SPMIP2: variants seen among roughly 807,000 people sequenced by gnomAD.
SPMIP2 encodes sperm microtubule inner protein 2.
the SPMIP2 span, among the ~76,000 whole-genome samples, chr4:159,027,084 A>G: frequency 6.6e-6 from 1 of 151,852 alleles, no homozygotes; most frequent in African/African-American, 2.4e-5. Context: ...AGTTGCTGTC[A>G]CCTATAGATA....
chr4:158,898,700 G>T, the SPMIP2 span, among the ~76,000 whole-genome samples: 1 of 152,206 alleles, frequency 6.6e-6, no homozygotes, highest in African/African-American at 2.4e-5. Flanking sequence ...CTGAGACTTT[G>T]CTGAAGTTGC....
the SPMIP2 span, among the ~76,000 whole-genome samples, chr4:159,045,165 C>T: frequency 2.0e-4 from 30 of 150,886 alleles, no homozygotes; most frequent in Non-Finnish European, 8.8e-5. Flanking sequence ...GATGTAGATA[C>T]ATCTCATACA....
At chr4:159,017,733 T>C in the SPMIP2 span, among the ~76,000 whole-genome samples, 39 of 152,146 alleles carry the variant, frequency 2.6e-4, no homozygotes, top group African/African-American at 9.4e-4. Flanking sequence ...GCCTGTGATA[T>C]ACCTAAGTGG....
chr4:158,921,808 TAC>T, the SPMIP2 span, among the ~76,000 whole-genome samples: 1 of 152,076 alleles, frequency 6.6e-6, no homozygotes, highest in Non-Finnish European at 1.5e-5. Flanking sequence ...GTTCCTGAGC[TAC>T]AGTTTTCTCC....
chr4:159,070,512 G>C, the SPMIP2 span, among the ~76,000 whole-genome samples: 1 of 152,182 alleles, frequency 6.6e-6, no homozygotes, highest in Non-Finnish European at 1.5e-5. Flanking sequence ...TGGTGATTAA[G>C]TTTTAATGCC....
the SPMIP2 span, among the ~76,000 whole-genome samples, chr4:158,981,958 C>T: frequency 4.6e-5 from 7 of 152,078 alleles, no homozygotes; most frequent in African/African-American, 7.2e-5. Flanking sequence ...CAAGACTCAT[C>T]AGTGTGCTGT....
chr4:158,974,801 T>C, the SPMIP2 span, among the ~76,000 whole-genome samples: 1 of 152,196 alleles, frequency 6.6e-6, no homozygotes, highest in Non-Finnish European at 1.5e-5. Context: ...TAGAATGATT[T>C]ATAATTCTTT....
chr4:158,917,868 C>G, the SPMIP2 span, among the ~76,000 whole-genome samples: 1 of 151,410 alleles, frequency 6.6e-6, no homozygotes, highest in African/African-American at 2.4e-5. Flanking sequence ...ATTACAGGTG[C>G]CTGCCAAGCC....
the SPMIP2 span, chr4:158,907,557 CATAAAA>C: frequency 2.6e-5 from 4 of 152,080 alleles, no homozygotes; most frequent in Non-Finnish European, 5.9e-5. Flanking sequence ...GTTGGTTGTA[CATAAAA>C]ATAATAAAGA....
At chr4:158,962,374 C>G in the SPMIP2 span, among the ~76,000 whole-genome samples, 2 of 152,098 alleles carry the variant, frequency 1.3e-5, no homozygotes, top group Non-Finnish European at 2.9e-5. Flanking sequence ...TTTCTTACTT[C>G]TAGAAAGAAC....
the SPMIP2 span, among the ~76,000 whole-genome samples, chr4:159,048,384 TACA>T: frequency 6.6e-6 from 1 of 152,236 alleles, no homozygotes; most frequent in Non-Finnish European, 1.5e-5. Context: ...TTTTCCCACG[TACA>T]ACATTCAAAA....
the SPMIP2 span, among the ~76,000 whole-genome samples, chr4:159,000,655 G>A: frequency 5.3e-5 from 8 of 151,778 alleles, no homozygotes; most frequent in South Asian, 4.2e-4. Context: ...CACCACGCCC[G>A]GCTAGTTTTT....
the SPMIP2 span, chr4:159,026,615 TC>T: frequency 0.44 from 157,984 of 355,512 alleles, 35,967 homozygotes; most frequent in South Asian, 0.49. Flanking sequence ...TTCTTTTTTT[TC>T]ATTACTGTGT....
the SPMIP2 span, among the ~76,000 whole-genome samples, chr4:158,949,930 ATGAAAAACTGGG>A: frequency 1.8e-4 from 27 of 152,314 alleles, no homozygotes; most frequent in African/African-American, 6.0e-4. Context: ...TTTCAAGCAA[ATGAAAAACTGGG>A]GAAGGTTGTA....
At chr4:158,952,268 C>A in the SPMIP2 span, among the ~76,000 whole-genome samples, 1 of 152,092 alleles carries the variant, frequency 6.6e-6, no homozygotes. Context: ...TGTCCCCACC[C>A]AAATCTCATT....
chr4:159,073,238 C>G, the SPMIP2 span, among the ~76,000 whole-genome samples: 3 of 152,180 alleles, frequency 2.0e-5, no homozygotes, highest in Admixed American at 1.3e-4. Context: ...ACTGCAGCCT[C>G]GACCTCCCAG....
chr4:159,035,232 CTCTT>C, the SPMIP2 span: 3 of 651,850 alleles, frequency 4.6e-6, no homozygotes, highest in East Asian at 2.7e-5. Flanking sequence ...TTGCTAATGA[CTCTT>C]TATGACAGGG....
chr4:159,039,664 A>C, the SPMIP2 span, among the ~76,000 whole-genome samples: 375 of 152,354 alleles, frequency 2.5e-3, 1 homozygote, highest in African/African-American at 8.4e-3. Context: ...CTGGGACTAA[A>C]AGTGGTCTCC....
chr4:158,943,853 A>ATTT, the SPMIP2 span, among the ~76,000 whole-genome samples: 1 of 46,482 alleles, frequency 2.2e-5, no homozygotes, highest in Non-Finnish European at 4.1e-5. Context: ...TACTATTGAC[A>ATTT]TTTTCTTTTT....
Sources: allele counts gnomAD v4.1 joint callset (sites outside exome capture counted in the v4.1 genomes callset), GRCh38; gene constraint gnomAD v4.1.1; transcripts MANE v1.5; gene names NCBI Gene and HGNC (gene_info 2026-07-23, HGNC 2026-07-21).